WDR76: variants seen among roughly 807,000 people sequenced by gnomAD.
WDR76 encodes WD repeat-containing protein 76.
Under a neutral mutation model 70.2 loss-of-function variants are expected in WDR76, and 52 were observed. The observed-to-expected ratio is 0.74, with a 90% CI of 0.59 to 0.93. The LOEUF (loss-of-function observed/expected upper bound fraction) is 0.93, where lower values mean the gene tolerates loss of function less well. Ranked by LOEUF, WDR76 falls within the 40% of genes least tolerant of loss-of-function variation. The pLI is 0.00. For missense variants in WDR76, 756 were observed against 760.2 expected (o/e 0.99, Z 0.07); for synonymous variants, 292 against 271.1 (o/e 1.08, Z -0.76).
rs71421806 is a variant in WDR76 at position 43,850,267 on chromosome 15, TTTTTATTTTA to T, written c.1033-785_1033-776del. Among the ~76,000 whole-genome samples the T allele has an allele frequency of 2.4e-3, 355 of 148,392 alleles. 1 individual carries two copies. The highest frequency in any genetic ancestry group is 5.6e-3 in the African/African-American group (227 of 40,200). On this transcript the variant is annotated intron_variant, in intron 8 of 12. Transcript: ENST00000263795. ...ATACATGCATTTTTATGGTGTTATTTTTTTATTTTATTTTATTTTATTTTATTTTATTTTA... is the reference window on the plus strand; with the variant it reads ...ATACATGCATTTTTATGGTGTTATTTTTTTATTTTATTTTATTTTATTTTA...
intron 7 of WDR76, among the ~76,000 whole-genome samples, chr15:43,843,410 A>C (rs752361499): frequency 1.3e-5 from 2 of 152,010 alleles, no homozygotes; most frequent in South Asian, 2.1e-4. Context: ...GAGTAGAAGG[A>C]GTTCACTTCT....
chr15:43,848,710 G>A (rs2087818765), intron 8 of WDR76, among the ~76,000 whole-genome samples: 1 of 152,156 alleles, frequency 6.6e-6, no homozygotes, highest in Non-Finnish European at 1.5e-5. Context: ...GGAGGCTGAG[G>A]CAGGTGAATC....
In WDR76 at chr15:43,836,193, G is replaced by A; in HGVS notation, c.585G>A (p.Lys195=). 5 of 1,609,386 alleles carry A rather than the reference G, an allele frequency of 3.1e-6. No homozygotes were observed. The highest frequency in any genetic ancestry group is 4.2e-6 in the Non-Finnish European group (5 of 1,177,888). The part of the protein sequence containing the change: ...SAARLREMIE[K]RQPPKSKRKK... ...CAAGACTCCGTGAAATGATAGAGAA[G>A]AGACAGCCTCCTAAATCCAAAAGGT... The change falls in exon 4 of 13, where the codon AAG becomes AAA. Residue 195 remains lysine (K), a synonymous_variant. Transcript: ENST00000263795.
rs894553703 is a variant in WDR76, at chr15:43,861,350, G to A, written c.1580G>A (p.Cys527Tyr). The A allele has an allele frequency of 1.2e-6, 2 of 1,613,858 alleles. No homozygotes were observed. Among genetic ancestry groups the A allele is most frequent in the Admixed American group, 3.3e-5 (2 of 59,992 alleles). ...TTTTGCAGAATTTTTGACAGCAGCT[G>A]TATATCTTCTAAGATTCCGCTCCTC... ...DCNLRIFDSSCISSKIPLLTT... is the reference protein window; with the variant it reads ...DCNLRIFDSSYISSKIPLLTT... Residue 527 changes from cysteine to tyrosine, a missense_variant, in exon 12 of 13, where the codon TGT (cysteine) becomes TAT (tyrosine). By Grantham distance (194) the Cys-to-Tyr change is radical. Transcript: ENST00000263795.
Position 43,853,799 on chromosome 15 carries a change from G to A in WDR76, c.1191+2554G>A, listed in dbSNP as rs536007369. On this transcript the variant is annotated intron_variant, in intron 9 of 12. Transcript: ENST00000263795. ...CAGGCACCTGTAGTCCCAGCTACTGGGGACGCTGAGGCAGGAGAATCGCTT... is the reference window on the plus strand; with the variant it reads ...CAGGCACCTGTAGTCCCAGCTACTGAGGACGCTGAGGCAGGAGAATCGCTT... Among the ~76,000 whole-genome samples, 8 of 151,818 alleles carry A rather than the reference G, an allele frequency of 5.3e-5. No homozygotes were observed. The East Asian group carries it at 1.6e-3, about 30-fold the overall frequency.
rs373700679 is a variant in WDR76 at position 43,853,884 on chromosome 15, C to T, written c.1191+2639C>T. 4.1e-3 allele frequency among the ~76,000 whole-genome samples: 523 copies of T among 126,640 alleles called. 5 individuals carry two copies. Among genetic ancestry groups the T allele is most frequent in the African/African-American group, 0.014 (495 of 35,102 alleles). The allele number at this position is 126,640 out of a possible 152,430, so 83.1% of individuals were successfully genotyped here. A position where few individuals can be genotyped will look rare whatever the true frequency, so the allele number is the denominator to read the frequency against. ...TTGCACCACTGCACTCCAGCCTGGGCGACAGAGCGAGACTGTCTCAAAAAA... is the reference window on the plus strand; with the variant it reads ...TTGCACCACTGCACTCCAGCCTGGGTGACAGAGCGAGACTGTCTCAAAAAA... On this transcript the variant is annotated intron_variant, in intron 9 of 12. Transcript: ENST00000263795.
chr15:43,859,885 G>A (rs1285377890), intron 11 of WDR76, among the ~76,000 whole-genome samples: 1 of 152,218 alleles, frequency 6.6e-6, no homozygotes, highest in Non-Finnish European at 1.5e-5. Flanking sequence ...AGGAGGTGGT[G>A]ATGCTGTTAG....
At chr15:43,857,241 T>C (rs1488590118) in intron 10 of WDR76, 78 bp downstream of exon 10, 5 of 1,371,630 alleles carry the variant, frequency 3.6e-6, no homozygotes, top group Non-Finnish European at 4.0e-6. Flanking sequence ...GTCAAAGATA[T>C]TGTAATACAA....
At chr15:43,844,363 A>G (rs2087761126) in intron 8 of WDR76, among the ~76,000 whole-genome samples, 1 of 152,202 alleles carries the variant, frequency 6.6e-6, no homozygotes, top group South Asian at 2.1e-4. Flanking sequence ...CACGCCTGTA[A>G]TGCCAGCACT....
chr15:43,863,559 T>TTAAAA (rs1398972902), intron 12 of WDR76, among the ~76,000 whole-genome samples: 1 of 139,066 alleles, frequency 7.2e-6, no homozygotes, highest in Non-Finnish European at 1.6e-5. Context: ...CTCTCTTTTT[T>TTAAAA]AAAAAAAAAA....
intron 11 of WDR76, among the ~76,000 whole-genome samples, chr15:43,860,908 CTCTT>C (rs1349032417): frequency 2.6e-5 from 3 of 117,590 alleles, no homozygotes. Flanking sequence ...CCTGATCTTA[CTCTT>C]TTTTTTTTTT....
At chr15:43,851,565 G>A (rs559455117) in intron 9 of WDR76, among the ~76,000 whole-genome samples, 38 of 152,216 alleles carry the variant, frequency 2.5e-4, no homozygotes, top group Middle Eastern at 3.4e-3. Flanking sequence ...ATGTGTTTGC[G>A]CTTGTTAAAT....
intron 2 of WDR76, among the ~76,000 whole-genome samples, 171 bp from the exon 3 acceptor site, chr15:43,834,890 T>G (rs1362225884): frequency 6.6e-6 from 1 of 152,226 alleles, no homozygotes; most frequent in African/African-American, 2.4e-5. Flanking sequence ...AATCCAGACT[T>G]ACTGAAATAT....
chr15:43,835,070 G>A lies in WDR76; in HGVS notation c.472G>A (p.Gly158Arg). 1 of 1,613,956 alleles carries A rather than the reference G, an allele frequency of 6.2e-7. No individual in the cohort carries two copies. Among genetic ancestry groups the A allele is most frequent in the Non-Finnish European group, 8.5e-7 (1 of 1,179,942 alleles). Reference sequence around the variant, plus strand: ...TGGTGTAATTTTATAGGATTTTTCGGGATTGTCACCCTACGAAAGGAAGAG... The same window carrying A: ...TGGTGTAATTTTATAGGATTTTTCGAGATTGTCACCCTACGAAAGGAAGAG... ...EDTTPSLDFS[G>R]LSPYERKRLK... The change falls in exon 3 of 13, where the codon GGA becomes AGA. Residue 158 changes from glycine to arginine, a missense_variant. Transcript: ENST00000263795.
chr15:43,852,395 GGA>G (rs1223293054), intron 9 of WDR76, among the ~76,000 whole-genome samples: 3 of 151,542 alleles, frequency 2.0e-5, no homozygotes, highest in Admixed American at 2.0e-4. Context: ...TTGTAGAGAT[GGA>G]GTCTCACTCT....
At chr15:43,834,604 G>A (rs951480181) in intron 2 of WDR76, among the ~76,000 whole-genome samples, 10 of 151,698 alleles carry the variant, frequency 6.6e-5, no homozygotes, top group African/African-American at 1.5e-4. Context: ...GAGCCACCAC[G>A]TCTGACCAAC....
chr15:43,862,963 T>A (rs1315749524), intron 12 of WDR76, among the ~76,000 whole-genome samples: 3 of 151,592 alleles, frequency 2.0e-5, no homozygotes, highest in Middle Eastern at 3.2e-3. Flanking sequence ...AGAGACAGAG[T>A]CTCGCTCTGT....
At chr15:43,836,798 G>C (rs761279778) in intron 4 of WDR76, among the ~76,000 whole-genome samples, 1 of 151,656 alleles carries the variant, frequency 6.6e-6, no homozygotes, top group East Asian at 1.9e-4. Flanking sequence ...TTGGGAGGTT[G>C]AGTCAGGGGG....
intron 12 of WDR76, among the ~76,000 whole-genome samples, chr15:43,861,637 G>T (rs1373836722): frequency 6.6e-6 from 1 of 152,064 alleles, no homozygotes; most frequent in East Asian, 1.9e-4. Context: ...TTTGGTTAAG[G>T]TTAATGACTT....
Sources: gnomAD v4.1 joint callset for allele counts (sites outside exome capture counted in the v4.1 genomes callset) on GRCh38, gnomAD v4.1.1 for gene constraint, MANE v1.5 for transcripts, NCBI Gene and HGNC (gene_info 2026-07-23, HGNC 2026-07-21) for gene names.